Variants in ACYP2 observed in about 807,000 individuals in gnomAD.
The protein encoded by ACYP2 is acylphosphatase 2.
In ACYP2, 12 loss-of-function variants were observed where a neutral mutation model predicts 11.2. The ratio of observed to expected loss-of-function variants is 1.08; its 90% CI spans 0.69 to 1.74. The LOEUF is 1.74. Among genes scored for constraint, ACYP2 ranks in the 40% most tolerant of loss-of-function variants. The probability of loss-of-function intolerance (pLI) is 0.00; values close to 1 mark genes in which losing one functional copy is unlikely to be tolerated. For synonymous variants in ACYP2, 43 were observed against 32.2 expected, an observed-to-expected ratio of 1.33 and a Z score of -1.13; for missense variants, 134 against 101.9, an observed-to-expected ratio of 1.31 and a Z score of -1.35.
intron 2 of ACYP2, among the ~76,000 whole-genome samples, chr2:54,041,620 C>T (rs1197428371): frequency 3.3e-5 from 5 of 152,074 alleles, no homozygotes; most frequent in Non-Finnish European, 7.4e-5. Context: ...TACGACTGGA[C>T]TATGGGGAAT....
intron 6 of ACYP2, among the ~76,000 whole-genome samples, chr2:54,219,543 C>A (rs778480324): frequency 1.3e-5 from 2 of 152,076 alleles, no homozygotes; most frequent in Non-Finnish European, 2.9e-5. Context: ...TTAAAAGAAT[C>A]ATTCACAGAT....
intron 6 of ACYP2, among the ~76,000 whole-genome samples, chr2:54,270,697 A>G (rs527908771): frequency 7.9e-5 from 12 of 152,340 alleles, no homozygotes; most frequent in African/African-American, 2.4e-4. Flanking sequence ...ATGATAGTAT[A>G]TGTTGAATTT....
chr2:54,104,125 G>A (rs1455994437), intron 4 of ACYP2, among the ~76,000 whole-genome samples: 1 of 152,184 alleles, frequency 6.6e-6, no homozygotes, highest in Non-Finnish European at 1.5e-5. Context: ...ACTTCGAGCT[G>A]TTCCAAATGT....
At chr2:54,255,497 C>G (rs1306874807) in intron 6 of ACYP2, 4 of 1,613,950 alleles carry the variant, frequency 2.5e-6, no homozygotes, top group Non-Finnish European at 2.5e-6. Flanking sequence ...GCCCTGTCAG[C>G]CTCTGCATTC....
chr2:54,023,705 G>GT (rs1181996607), intron 2 of ACYP2, among the ~76,000 whole-genome samples: 7 of 152,012 alleles, frequency 4.6e-5, no homozygotes, highest in South Asian at 2.1e-4. Context: ...TAAACTTAAA[G>GT]TTTTTTTCCT....
chr2:54,185,978 G>A (rs1413309389), intron 6 of ACYP2, among the ~76,000 whole-genome samples: 1 of 151,594 alleles, frequency 6.6e-6, no homozygotes, highest in African/African-American at 2.4e-5. Context: ...TTAAATATTT[G>A]AAATATAAAA....
chr2:54,220,176 T>A (rs962885778), intron 6 of ACYP2, among the ~76,000 whole-genome samples: 4 of 152,084 alleles, frequency 2.6e-5, no homozygotes, highest in African/African-American at 9.7e-5. Context: ...CTGTTAAACT[T>A]ATTTTTTATA....
chr2:54,045,118 C>CAGTA (rs1352279840), intron 2 of ACYP2, among the ~76,000 whole-genome samples: 1 of 152,178 alleles, frequency 6.6e-6, no homozygotes, highest in East Asian at 1.9e-4. Context: ...ACCAATGAAA[C>CAGTA]TACTGACATC....
rs1179658935 is a variant in ACYP2, at chr2:54,096,531, A to G, written c.278-38922A>G. On this transcript the variant is annotated intron_variant, in intron 4 of 6. Transcript: ENST00000607452. ...AGCCAAGATCACGCCACTGCACTCCAGCCTGGGCACCACTGAGCACTGAGT... is the reference window on the plus strand; with the variant it reads ...AGCCAAGATCACGCCACTGCACTCCGGCCTGGGCACCACTGAGCACTGAGT... Among the ~76,000 whole-genome samples the G allele has an allele frequency of 7.9e-5, 12 of 152,246 alleles. No homozygotes were observed. The East Asian group carries it at 2.1e-3, about 27-fold the overall frequency.
chr2:54,273,001 C>A (rs1248460938), intron 6 of ACYP2, among the ~76,000 whole-genome samples: 1 of 152,118 alleles, frequency 6.6e-6, no homozygotes, highest in African/African-American at 2.4e-5. Context: ...ATCTTGTTTT[C>A]AAAGAATTGG....
chr2:54,197,111 C>G (rs1017650512), intron 6 of ACYP2, among the ~76,000 whole-genome samples: 2 of 152,152 alleles, frequency 1.3e-5, no homozygotes, highest in African/African-American at 4.8e-5. Flanking sequence ...GCTGAGATCT[C>G]CCTGAGAGCA....
intron 6 of ACYP2, among the ~76,000 whole-genome samples, chr2:54,273,487 A>G (rs1480498619): frequency 6.6e-6 from 1 of 152,152 alleles, no homozygotes; most frequent in Non-Finnish European, 1.5e-5. Flanking sequence ...TTTGTTTTAG[A>G]CAGATTCTGG....
At chr2:54,158,938 T>C (rs3738855) in intron 6 of ACYP2, among the ~76,000 whole-genome samples, 36,441 of 152,040 alleles carry the variant, frequency 0.24, 4,282 homozygotes, top group African/African-American at 0.27. Flanking sequence ...TATTTCTCTT[T>C]CTCTTTTTTG....
At chr2:53,973,571 T>C (rs1490292407) in intron 1 of ACYP2, 4 of 197,494 alleles carry the variant, frequency 2.0e-5, no homozygotes, top group Non-Finnish European at 4.1e-5. Flanking sequence ...AGAAGGTTCT[T>C]TGTATTTCTC....
chr2:54,151,328 T>C (rs1682159406), intron 6 of ACYP2, among the ~76,000 whole-genome samples: 1 of 152,200 alleles, frequency 6.6e-6, no homozygotes, highest in African/African-American at 2.4e-5. Context: ...TTTAATATTT[T>C]CAAAAATAAC....
chr2:54,274,275 G>A (rs1233932066), intron 6 of ACYP2, among the ~76,000 whole-genome samples: 1 of 152,058 alleles, frequency 6.6e-6, no homozygotes, highest in African/African-American at 2.4e-5. Flanking sequence ...AACAGGGCAG[G>A]AAAGACCTGC....
At chr2:54,029,891 C>A in intron 2 of ACYP2, 1 of 253,022 alleles carries the variant, frequency 4.0e-6, no homozygotes, top group South Asian at 6.7e-5. Context: ...AAGCCGGGTC[C>A]GGCTGTGTTT....
intron 6 of ACYP2, among the ~76,000 whole-genome samples, chr2:54,275,482 T>A (rs1488023364): frequency 1.3e-5 from 2 of 152,238 alleles, no homozygotes; most frequent in Non-Finnish European, 2.9e-5. Context: ...CACTTGACTA[T>A]TTCTAGCTTC....
intron 2 of ACYP2, among the ~76,000 whole-genome samples, chr2:54,029,400 G>A (rs1157043693): frequency 2.3e-5 from 3 of 128,992 alleles, no homozygotes; most frequent in South Asian, 2.6e-4. Flanking sequence ...TTTTTTTTCC[G>A]TCCAGAGGTC....
Sources: gnomAD v4.1 joint callset for allele counts (sites outside exome capture counted in the v4.1 genomes callset) on GRCh38, gnomAD v4.1.1 for gene constraint, MANE v1.5 for transcripts, NCBI Gene and HGNC (gene_info 2026-07-23, HGNC 2026-07-21) for gene names.